ST6GALNAC3: variants seen among roughly 807,000 people sequenced by gnomAD.
ST6GALNAC3 encodes ST6 N-acetylgalactosaminide alpha-2,6-sialyltransferase 3, also known as alpha-N-acetylgalactosaminide alpha-2,6-sialyltransferase 3.
ST6GALNAC3 carries 25 observed loss-of-function variants against 32.7 expected under a neutral mutation model. That is an observed-to-expected ratio of 0.76 (90% CI 0.56 to 1.07). The LOEUF is 1.07. ST6GALNAC3 is among the 50% of genes least tolerant of loss of function. ST6GALNAC3 has a pLI of 0.00. For synonymous variants in ST6GALNAC3, 129 were observed against 133.1 expected (o/e 0.97, Z 0.21); for missense variants, 355 against 382.4 (o/e 0.93, Z 0.60).
chr1:76,415,564 A>T (rs1654561880), intron 3 of ST6GALNAC3, among the ~76,000 whole-genome samples: 1 of 152,052 alleles, frequency 6.6e-6, no homozygotes, highest in African/African-American at 2.4e-5. Flanking sequence ...TTATGCTCAG[A>T]TTGCCCTATT....
At chr1:76,175,095 T>G (rs1652767803) in intron 1 of ST6GALNAC3, among the ~76,000 whole-genome samples, 1 of 152,266 alleles carries the variant, frequency 6.6e-6, no homozygotes, top group South Asian at 2.1e-4. Context: ...ATGTGACATC[T>G]TAAACATCTT....
chr1:76,579,681 G>A (rs1429238548), intron 3 of ST6GALNAC3, among the ~76,000 whole-genome samples: 1 of 151,900 alleles, frequency 6.6e-6, no homozygotes, highest in Non-Finnish European at 1.5e-5. Context: ...TGTTTGTCCT[G>A]TAGCTTCTCA....
chr1:76,235,391 A>G (rs1464514175), intron 1 of ST6GALNAC3, among the ~76,000 whole-genome samples: 1 of 152,002 alleles, frequency 6.6e-6, no homozygotes, highest in African/African-American at 2.4e-5. Flanking sequence ...CCTGTAGTCC[A>G]AGCTACTTGG....
In ST6GALNAC3 at chr1:76,630,281, G is replaced by T. The variant is rs749126198; in HGVS notation, c.*1475G>T. On this transcript the variant is annotated 3_prime_UTR_variant, in exon 5 of 5. Transcript: ENST00000328299. The stretch of plus-strand genomic sequence containing the variant: ...AGGATGGTCTTGGCCATATGCTAGG[G>T]CCCCTGTGAAAATAAGTAGTTTTGA... The T allele has an allele frequency of 7.1e-6, 7 of 985,034 alleles. No individual in the cohort carries two copies. The highest frequency in any genetic ancestry group is 1.7e-5 in the African/African-American group (1 of 57,174). The allele number at this position is 985,034 out of a possible 1,614,324, so 61.0% of individuals were successfully genotyped here.
intron 1 of ST6GALNAC3, among the ~76,000 whole-genome samples, chr1:76,098,971 A>G (rs1219293621): frequency 6.6e-6 from 1 of 152,012 alleles, no homozygotes; most frequent in Non-Finnish European, 1.5e-5. Flanking sequence ...ATAGGGCATC[A>G]TTTTTTACCC....
At chr1:76,448,037 A>C (rs988068041) in intron 3 of ST6GALNAC3, among the ~76,000 whole-genome samples, 6 of 152,086 alleles carry the variant, frequency 3.9e-5, no homozygotes, top group Non-Finnish European at 8.8e-5. Context: ...GTGCCTTGAA[A>C]AACCACAGAC....
chr1:76,285,354 A>T (rs1334130547), intron 1 of ST6GALNAC3, among the ~76,000 whole-genome samples: 2 of 150,690 alleles, frequency 1.3e-5, no homozygotes, highest in Non-Finnish European at 2.9e-5. Flanking sequence ...AAGCTGAGAC[A>T]ACAGGAGGCC....
At chr1:76,439,354 T>C (rs1365857489) in intron 3 of ST6GALNAC3, among the ~76,000 whole-genome samples, 1 of 152,170 alleles carries the variant, frequency 6.6e-6, no homozygotes, top group Non-Finnish European at 1.5e-5. Flanking sequence ...CTCTCCCTAA[T>C]ACGTATGGCT....
intron 3 of ST6GALNAC3, among the ~76,000 whole-genome samples, chr1:76,481,098 T>G (rs1195750681): frequency 1.3e-5 from 2 of 152,174 alleles, no homozygotes; most frequent in Non-Finnish European, 2.9e-5. Context: ...TTCTGATCTT[T>G]GAATTAATTA....
chr1:76,315,139 C>G (rs1646841910), intron 2 of ST6GALNAC3, among the ~76,000 whole-genome samples: 1 of 152,030 alleles, frequency 6.6e-6, no homozygotes. Flanking sequence ...TGTTTATCCT[C>G]TAATTGGTTT....
At chr1:76,458,732 T>C (rs1658044435) in intron 3 of ST6GALNAC3, among the ~76,000 whole-genome samples, 2 of 92,660 alleles carry the variant, frequency 2.2e-5, no homozygotes, top group African/African-American at 8.7e-5. Context: ...CTGGGGACTG[T>C]TGTGGGGTGG....
At chr1:76,120,622 T>C (rs1648810889) in intron 1 of ST6GALNAC3, among the ~76,000 whole-genome samples, 1 of 152,230 alleles carries the variant, frequency 6.6e-6, no homozygotes, top group African/African-American at 2.4e-5. Flanking sequence ...AATCTTTCTC[T>C]GAGCTCCAGG....
intron 2 of ST6GALNAC3, among the ~76,000 whole-genome samples, chr1:76,328,645 T>C (rs1647126095): frequency 6.6e-6 from 1 of 152,242 alleles, no homozygotes; most frequent in Admixed American, 6.5e-5. Context: ...TTGGACACTA[T>C]GTATTCAGTA....
intron 1 of ST6GALNAC3, among the ~76,000 whole-genome samples, chr1:76,110,804 C>T (rs1647877587): frequency 6.6e-6 from 1 of 152,126 alleles, no homozygotes; most frequent in South Asian, 2.1e-4. Flanking sequence ...GGGAGAATTG[C>T]CTTTGTGTGG....
intron 2 of ST6GALNAC3, among the ~76,000 whole-genome samples, chr1:76,356,940 C>T (rs572009874): frequency 5.3e-4 from 81 of 152,138 alleles, no homozygotes; most frequent in African/African-American, 1.8e-3. Flanking sequence ...TTCAAAGAGG[C>T]ATGTCCACAA....
At chr1:76,544,079 TTA>T (rs3086266) in intron 3 of ST6GALNAC3, among the ~76,000 whole-genome samples, 105,819 of 145,364 alleles carry the variant, frequency 0.73, 40,539 homozygotes, top group Non-Finnish European at 0.85. Context: ...TTAATTACAT[TTA>T]TATATATATA....
In ST6GALNAC3 at chr1:76,250,975, T is replaced by C. The variant is rs71656882; in HGVS notation, c.19-62830T>C. 6.8e-3 allele frequency among the ~76,000 whole-genome samples: 1,037 copies of C among 152,300 alleles called. 6 individuals carry two copies. Among genetic ancestry groups the C allele is most frequent in the Non-Finnish European group, 0.01 (706 of 68,030 alleles). ...ACTTGATGATTTTCAAAATCTGCATTTGTAGCTTCGACCTTTCTTCTGGGC... is the reference window on the plus strand; with the variant it reads ...ACTTGATGATTTTCAAAATCTGCATCTGTAGCTTCGACCTTTCTTCTGGGC... On this transcript the variant is annotated intron_variant, in intron 1 of 4. Transcript: ENST00000328299.
chr1:76,584,327 G>T (rs933530112), intron 3 of ST6GALNAC3, among the ~76,000 whole-genome samples: 2 of 152,104 alleles, frequency 1.3e-5, no homozygotes, highest in African/African-American at 4.8e-5. Context: ...GTGCTTGCTT[G>T]GTTCAGAATA....
chr1:76,327,757 T>G (rs1158405718), intron 2 of ST6GALNAC3, among the ~76,000 whole-genome samples: 1 of 151,954 alleles, frequency 6.6e-6, no homozygotes, highest in Non-Finnish European at 1.5e-5. Context: ...GCCTGGCTAA[T>G]TTTTGTATTT....
Sources: gnomAD v4.1 joint callset for allele counts (sites outside exome capture counted in the v4.1 genomes callset) on GRCh38, gnomAD v4.1.1 for gene constraint, MANE v1.5 for transcripts, NCBI Gene and HGNC (gene_info 2026-07-23, HGNC 2026-07-21) for gene names.